IL2RB: variants seen among roughly 807,000 people sequenced by gnomAD.
The protein encoded by IL2RB is interleukin-2 receptor subunit beta.
A neutral mutation model predicts 44.2 loss-of-function variants in IL2RB; 17 were observed. The observed-to-expected ratio is 0.38, with a 90% CI of 0.26 to 0.58. The LOEUF is 0.58. IL2RB is among the 20% of genes least tolerant of loss of function. The pLI is 0.63. For missense variants in IL2RB, 624 were observed against 685.5 expected (o/e 0.91, Z 1.00); for synonymous variants, 286 against 297.9 (o/e 0.96, Z 0.41).
chr22:37,172,897 A>G (rs1013143060), intron 1 of IL2RB, among the ~76,000 whole-genome samples: 1 of 152,094 alleles, frequency 6.6e-6, no homozygotes, highest in African/African-American at 2.4e-5. Context: ...CCCTGTCTTG[A>G]GAACCACCGA....
At chr22:37,145,755 G>GA (rs1283467972) in intron 1 of IL2RB, among the ~76,000 whole-genome samples, 1 of 152,042 alleles carries the variant, frequency 6.6e-6, no homozygotes, top group Non-Finnish European at 1.5e-5. Flanking sequence ...TGAGTCAAGA[G>GA]ATGTGGAGGA....
intron 1 of IL2RB, among the ~76,000 whole-genome samples, chr22:37,172,226 A>AAAAAAC (rs1555899953): frequency 0.013 from 2,033 of 151,564 alleles, 41 homozygotes; most frequent in African/African-American, 0.046. Context: ...AAAAAAAAAA[A>AAAAAAC]AAAAAAAAGT....
rs1270083006 is a variant in IL2RB, at chr22:37,127,557, C to G, written c.*539G>C. ...AGAAGGGGATGTCCCCACACGACACCGGAGGTACAAGTACCAGGCTGAGAA... is the reference window on the plus strand; with the variant it reads ...AGAAGGGGATGTCCCCACACGACACGGGAGGTACAAGTACCAGGCTGAGAA... On this transcript the variant is annotated 3_prime_UTR_variant, in exon 10 of 10. Transcript: ENST00000216223. 1.3e-5 allele frequency: 2 copies of G among 152,274 alleles called. No individual in the cohort carries two copies. The highest frequency in any genetic ancestry group is 2.9e-5 in the Non-Finnish European group (2 of 68,186). The allele number at this position is 152,274 out of a possible 1,614,324, so 9.4% of individuals were successfully genotyped here. A position where few individuals can be genotyped will look rare whatever the true frequency, so the allele number is the denominator to read the frequency against.
rs867008739 is a variant in IL2RB at position 37,135,412 on chromosome 22, C to A, written c.734G>T (p.Gly245Val). 1.9e-6 allele frequency: 3 copies of A among 1,613,640 alleles called. No homozygotes were observed. Among genetic ancestry groups the A allele is most frequent in the Non-Finnish European group, 2.5e-6 (3 of 1,179,686 alleles). The change falls in exon 8 of 10, where the codon GGC becomes GTC. Residue 245 changes from glycine (G) to valine (V), a missense_variant. Physicochemically the swap from Gly to Val is moderately radical, Grantham distance 109 (BLOSUM62 -3). This residue lies in a region of IL2RB where 255 missense variants were observed against 339.9 expected (regional missense o/e 0.75). Transcript: ENST00000216223. ...CCCGCTGAGGCCCACGAGGAGGTGGCCGAGCCACGGAATGGTGTCCTTCCC... is the reference window on the plus strand; with the variant it reads ...CCCGCTGAGGCCCACGAGGAGGTGGACGAGCCACGGAATGGTGTCCTTCCC... Reference protein sequence around the residue: ...ALGKDTIPWLGHLLVGLSGAF... With the variant: ...ALGKDTIPWLVHLLVGLSGAF...
At chr22:37,168,888 C>T (rs1402274869) in intron 1 of IL2RB, among the ~76,000 whole-genome samples, 9 of 152,206 alleles carry the variant, frequency 5.9e-5, no homozygotes, top group African/African-American at 2.2e-4. Flanking sequence ...GTTCTGCTTA[C>T]AGAGGGGTTC....
chr22:37,142,547 G>A lies in IL2RB; in HGVS notation c.204-35C>T, dbSNP rs778251520. 3.7e-5 allele frequency: 59 copies of A among 1,599,590 alleles called. No individual in the cohort carries two copies. In the Admixed American group the frequency reaches 8.0e-4, roughly 22 times the overall value. On this transcript the variant is annotated intron_variant, in intron 3 of 9. Coordinates refer to ENST00000216223, the MANE Select transcript of IL2RB (RefSeq NM_000878.5). ...CAAAAGACCCTCTTTAGAAGAACAGGAAGGACCCACACAGCTGGCCCAAGG... is the reference window on the plus strand; with the variant it reads ...CAAAAGACCCTCTTTAGAAGAACAGAAAGGACCCACACAGCTGGCCCAAGG...
chr22:37,148,211 G>A (rs1442646132), intron 1 of IL2RB, among the ~76,000 whole-genome samples: 4 of 152,226 alleles, frequency 2.6e-5, no homozygotes, highest in Non-Finnish European at 4.4e-5. Flanking sequence ...CTCGGAGAGG[G>A]CAGAGTCCAC....
intron 1 of IL2RB, among the ~76,000 whole-genome samples, chr22:37,166,038 C>T (rs1399664579): frequency 6.6e-6 from 1 of 152,212 alleles, no homozygotes; most frequent in Non-Finnish European, 1.5e-5. Context: ...AACAGGTGGG[C>T]CTCCTTTGTG....
chr22:37,160,613 G>A (rs111870244), intron 1 of IL2RB, among the ~76,000 whole-genome samples: 173 of 151,616 alleles, frequency 1.1e-3, no homozygotes, highest in Middle Eastern at 3.4e-3. Flanking sequence ...AGGCCAAGGC[G>A]GGTGGATTGC....
chr22:37,174,260 G>A (rs1923380135), intron 1 of IL2RB, among the ~76,000 whole-genome samples: 1 of 152,206 alleles, frequency 6.6e-6, no homozygotes, highest in Non-Finnish European at 1.5e-5. Context: ...TTTCCATGAA[G>A]CTGAAGGCCA....
chr22:37,142,054 C>A (rs1043301499), intron 4 of IL2RB, among the ~76,000 whole-genome samples: 3 of 152,120 alleles, frequency 2.0e-5, no homozygotes, highest in South Asian at 2.1e-4. Context: ...ACACCCTTCA[C>A]CCCCCACACT....
At chr22:37,173,331 G>A (rs754346189) in intron 1 of IL2RB, among the ~76,000 whole-genome samples, 2 of 152,200 alleles carry the variant, frequency 1.3e-5, no homozygotes, top group Non-Finnish European at 2.9e-5. Context: ...AGCCGCATGA[G>A]GGCAGGGACC....
At chr22:37,147,826 C>G (rs537200837) in intron 1 of IL2RB, among the ~76,000 whole-genome samples, 1 of 152,368 alleles carries the variant, frequency 6.6e-6, no homozygotes, top group South Asian at 2.1e-4. Context: ...CTGCTCACCT[C>G]TTTCTTGGGA....
rs1923248087 is a variant in IL2RB at position 37,170,576 on chromosome 22, C to A, written c.-34+4382G>T. On this transcript the variant is annotated intron_variant, in intron 1 of 5. Coordinates refer to the IL2RB transcript ENST00000429622. ...GTCTAGAACCCAAGCCTCCATCCCT[C>A]TCTGTGGAGGCATCATGGGAGTCGA... is the stretch of plus-strand genomic sequence containing the variant. Among the ~76,000 whole-genome samples the A allele has an allele frequency of 1.3e-5, 2 of 152,162 alleles. 1 individual carries two copies. Among genetic ancestry groups the A allele is most frequent in the South Asian group, 4.1e-4 (2 of 4,822 alleles).
At chr22:37,156,047 C>T (rs1034533115) in intron 1 of IL2RB, among the ~76,000 whole-genome samples, 2 of 152,192 alleles carry the variant, frequency 1.3e-5, no homozygotes, top group Non-Finnish European at 2.9e-5. Flanking sequence ...TGGTATCTGC[C>T]AAACGCCCTA....
chr22:37,163,980 G>A (rs1368768352), intron 1 of IL2RB, among the ~76,000 whole-genome samples: 1 of 152,228 alleles, frequency 6.6e-6, no homozygotes, highest in Non-Finnish European at 1.5e-5. Flanking sequence ...GAGTGCCATG[G>A]CTGCTGCTCA....
At chr22:37,129,842 G>C (rs896024567) in intron 9 of IL2RB, among the ~76,000 whole-genome samples, 1 of 152,174 alleles carries the variant, frequency 6.6e-6, no homozygotes, top group African/African-American at 2.4e-5. Flanking sequence ...CTCTGTCCTG[G>C]GAACCCTCAG....
Position 37,135,449 on chromosome 22 carries a change from AG to A in IL2RB, c.704-8del. Reference sequence around the variant, plus strand: ...ATGGTGTCCTTCCCAAGGGCTGCCCAGGGGTGGGAGAAACAGCAAGGAGAGG... The same window carrying A: ...ATGGTGTCCTTCCCAAGGGCTGCCCAGGGTGGGAGAAACAGCAAGGAGAGG... On this transcript the variant is annotated splice_region_variant and splice_polypyrimidine_tract_variant and intron_variant, in intron 7 of 9. Coordinates refer to ENST00000216223, the MANE Select transcript of IL2RB (RefSeq NM_000878.5). 6.3e-7 allele frequency: 1 copy of A among 1,584,942 alleles called. No homozygotes were observed. The highest frequency in any genetic ancestry group is 8.7e-7 in the Non-Finnish European group (1 of 1,153,578).
intron 1 of IL2RB, among the ~76,000 whole-genome samples, chr22:37,171,311 T>C (rs897653921): frequency 3.9e-5 from 6 of 152,146 alleles, no homozygotes; most frequent in African/African-American, 1.2e-4. Context: ...ATAATATTTA[T>C]TGAGGAGCCC....
Sources: gnomAD v4.1 joint callset for allele counts (sites outside exome capture counted in the v4.1 genomes callset) on GRCh38, gnomAD v4.1.1 for gene constraint, gnomAD v4.1.1 regional missense constraint, MANE v1.5 for transcripts, NCBI Gene and HGNC (gene_info 2026-07-23, HGNC 2026-07-21) for gene names.